ABCG8: variants seen among roughly 807,000 people sequenced by gnomAD.
ABCG8 encodes ATP-binding cassette sub-family G member 8.
A neutral mutation model predicts 71.3 loss-of-function variants in ABCG8; 81 were observed. The observed-to-expected ratio is 1.14, with a 90% CI of 0.95 to 1.37. The LOEUF (loss-of-function observed/expected upper bound fraction) is 1.37, where lower values mean the gene tolerates loss of function less well. Among genes scored for constraint, ABCG8 ranks in the 40% most tolerant of loss-of-function variants. ABCG8 has a pLI of 0.00. For missense variants in ABCG8, 1,119 were observed against 866.2 expected (o/e 1.29, Z -3.66); for synonymous variants, 451 against 354.7 (o/e 1.27, Z -3.05).
rs1381455620 is a variant in ABCG8 at position 43,881,712 on chromosome 2, A to AAAC, written c.*3801_*3802insCAA. On this transcript the variant is annotated 3_prime_UTR_variant, in exon 13 of 13. Coordinates refer to ENST00000272286, the MANE Select transcript of ABCG8 (RefSeq NM_022437.3). Reference sequence around the variant, plus strand: ...GACAGAGCGATACTCTGTCTCAAAAAAAAAAAAAAAAAACCCAAGGCTCTC... The same window carrying AAAC: ...GACAGAGCGATACTCTGTCTCAAAAAAACAAAAAAAAAAAAACCCAAGGCTCTC... The AAAC allele has an allele frequency of 6.6e-6, 1 of 151,760 alleles. No homozygotes were observed. The highest frequency in any genetic ancestry group is 1.5e-5 in the Non-Finnish European group (1 of 67,952). 9.4% of individuals were successfully genotyped at this position (151,760 alleles called of 1,614,324 possible).
intron 6 of ABCG8, among the ~76,000 whole-genome samples, chr2:43,854,085 T>C (rs1669018175): frequency 6.6e-6 from 1 of 152,132 alleles, no homozygotes; most frequent in Non-Finnish European, 1.5e-5. Context: ...CAGAGAGGGG[T>C]TACCAGAAGT....
chr2:43,882,854 C>G lies in ABCG8; in HGVS notation c.*4941C>G, dbSNP rs1228376527. The G allele has an allele frequency of 6.6e-6, 1 of 152,266 alleles. No homozygotes were observed. The highest frequency in any genetic ancestry group is 1.9e-4 in the East Asian group (1 of 5,206). The allele number at this position is 152,266 out of a possible 1,614,324, so 9.4% of individuals were successfully genotyped here. A position where few individuals can be genotyped will look rare whatever the true frequency, so the allele number is the denominator to read the frequency against. On this transcript the variant is annotated 3_prime_UTR_variant, in exon 13 of 13. Transcript: ENST00000272286. ...CACAAACCAACTCAAAAACACTTCT[C>G]TGCTTTCTATGTAATAGTGCTCACA...
At chr2:43,840,642 C>T (rs1041014748) in intron 1 of ABCG8, among the ~76,000 whole-genome samples, 3 of 152,198 alleles carry the variant, frequency 2.0e-5, no homozygotes, top group African/African-American at 7.2e-5. Context: ...TTTCTATCCT[C>T]TTATCTTGAC....
intron 1 of ABCG8, among the ~76,000 whole-genome samples, chr2:43,840,270 AACC>A (rs1199159030): frequency 1.3e-5 from 2 of 152,218 alleles, no homozygotes. Context: ...TCAGTTCTGC[AACC>A]ACCACATCTG....
chr2:43,865,151 ACTAT>A (rs1210554075), intron 6 of ABCG8, among the ~76,000 whole-genome samples: 5 of 151,252 alleles, frequency 3.3e-5, no homozygotes, highest in Non-Finnish European at 7.4e-5. Flanking sequence ...TGGAACTCTC[ACTAT>A]CTGTCTATGT....
intron 6 of ABCG8, among the ~76,000 whole-genome samples, chr2:43,863,919 C>T (rs10202258): frequency 0.44 from 65,876 of 150,316 alleles, 15,136 homozygotes; most frequent in East Asian, 0.86. Context: ...TTTCACCGTC[C>T]GGAAACATCT....
rs1323953363 is a variant in ABCG8 at position 43,877,655 on chromosome 2, C to G, written c.1851C>G (p.Leu617=). The G allele has an allele frequency of 6.2e-7, 1 of 1,614,098 alleles. No homozygotes were observed. The highest frequency in any genetic ancestry group is 8.5e-7 in the Non-Finnish European group (1 of 1,180,008). The part of the protein sequence containing the change: ...QFSRRTYKMP[L]GNLTIAVSGD... ...GCAGAAGAACTTATAAAATGCCTCT[C>G]GGGAACCTCACCATCGCGGTCTCAG... The change falls in exon 12 of 13, where the codon CTC becomes CTG. Residue 617 remains leucine (L), a synonymous_variant. Transcript: ENST00000272286.
Position 43,872,029 on chromosome 2 carries a change from G to C in ABCG8, c.1018G>C (p.Glu340Gln), listed in dbSNP as rs773022612. 1 of 1,613,980 alleles carries C rather than the reference G, an allele frequency of 6.2e-7. No homozygotes were observed. The highest frequency in any genetic ancestry group is 1.3e-5 in the African/African-American group (1 of 74,926). ...CAGAGAGCAGGAATTGGCCACCAGG[G>C]AGAAGGCTCAGTCACTCGCAGCCCT... ...RSREQELATR[E>Q]KAQSLAALFL... Residue 340 changes from glutamate to glutamine, a missense_variant, in exon 7 of 13, where the codon GAG becomes CAG. Transcript: ENST00000272286.
chr2:43,862,937 C>A (rs1480815722), intron 6 of ABCG8, among the ~76,000 whole-genome samples: 1 of 148,848 alleles, frequency 6.7e-6, no homozygotes, highest in Non-Finnish European at 1.5e-5. Flanking sequence ...GATTCTCACT[C>A]TCTGGATAGA....
chr2:43,866,211 G>C (rs377243646), intron 6 of ABCG8, among the ~76,000 whole-genome samples: 6,019 of 148,458 alleles, frequency 0.041, 152 homozygotes, highest in Middle Eastern at 0.11. Context: ...GGATTAAAGA[G>C]TTAAACATTA....
At chr2:43,865,915 C>T (rs1268273269) in intron 6 of ABCG8, among the ~76,000 whole-genome samples, 1 of 152,006 alleles carries the variant, frequency 6.6e-6, no homozygotes, top group African/African-American at 2.4e-5. Flanking sequence ...GTGGATAGAA[C>T]TCTGACTATC....
chr2:43,861,435 T>TATCAATGCGGATAGAATTCTCACC (rs1164729804), intron 6 of ABCG8, among the ~76,000 whole-genome samples: 3 of 151,268 alleles, frequency 2.0e-5, no homozygotes, highest in African/African-American at 7.3e-5. Flanking sequence ...GAACTCTCAC[T>TATCAATGCGGATAGAATTCTCACC]ATCAATGCGG....
rs1041957688 is a variant in ABCG8 at position 43,881,176 on chromosome 2, T to C, written c.*3263T>C. 2 of 152,292 alleles carry C rather than the reference T, an allele frequency of 1.3e-5. No individual in the cohort carries two copies. Among genetic ancestry groups the C allele is most frequent in the African/African-American group, 4.8e-5 (2 of 41,476 alleles). 9.4% of individuals were successfully genotyped at this position (152,292 alleles called of 1,614,324 possible). ...TCGGTCTGCAATGGGTTTTGGTAAC[T>C]CAGTGGCTCTGTATGCCGTGCTGAA... On this transcript the variant is annotated 3_prime_UTR_variant, in exon 13 of 13. Transcript: ENST00000272286.
intron 1 of ABCG8, among the ~76,000 whole-genome samples, chr2:43,840,268 G>A (rs1668531710): frequency 6.6e-6 from 1 of 152,196 alleles, no homozygotes; most frequent in South Asian, 2.1e-4. Flanking sequence ...AGTCAGTTCT[G>A]CAACCACCAC....
intron 1 of ABCG8, among the ~76,000 whole-genome samples, chr2:43,841,991 G>A (rs529147218): frequency 2.0e-5 from 3 of 150,410 alleles, no homozygotes; most frequent in East Asian, 2.0e-4. Flanking sequence ...TAGCCCACAT[G>A]AGTCTCTTAG....
chr2:43,875,565 G>T (rs561731823), intron 11 of ABCG8, 152 bp downstream of exon 11: 2 of 974,408 alleles, frequency 2.1e-6, no homozygotes, highest in Non-Finnish European at 3.0e-6. Flanking sequence ...TGCCCTGGAG[G>T]CCAAAGGAAT....
chr2:43,853,903 T>C (rs4077440), intron 6 of ABCG8, among the ~76,000 whole-genome samples: 92,639 of 151,972 alleles, frequency 0.61, 28,686 homozygotes, highest in East Asian at 0.89. Flanking sequence ...GGCCGCCCCT[T>C]GCCCTCTGTA....
rs1241428898 is a variant in ABCG8, at chr2:43,879,804, G to A, written c.*1891G>A. On this transcript the variant is annotated 3_prime_UTR_variant, in exon 13 of 13. Coordinates refer to ENST00000272286, the MANE Select transcript of ABCG8 (RefSeq NM_022437.3). ...CAGTGCATCCTATCAGAAGGCATGT[G>A]ATTTCAACTTCTCCCATACCAACAA... The A allele has an allele frequency of 6.6e-6, 1 of 152,138 alleles. No individual in the cohort carries two copies. Among genetic ancestry groups the A allele is most frequent in the East Asian group, 1.9e-4 (1 of 5,204 alleles). 9.4% of individuals were successfully genotyped at this position (152,138 alleles called of 1,614,324 possible).
intron 11 of ABCG8, among the ~76,000 whole-genome samples, chr2:43,876,478 G>A (rs2104950736): frequency 6.6e-6 from 1 of 152,024 alleles, no homozygotes; most frequent in Admixed American, 6.5e-5. Context: ...GGGAATACGG[G>A]GAGACCATGA....
Sources: allele counts gnomAD v4.1 joint callset (sites outside exome capture counted in the v4.1 genomes callset), GRCh38; gene constraint gnomAD v4.1.1; transcripts MANE v1.5; gene names NCBI Gene and HGNC (gene_info 2026-07-23, HGNC 2026-07-21).